ELMO1: variants seen among roughly 807,000 people sequenced by gnomAD.
The protein encoded by ELMO1 is engulfment and cell motility protein 1.
Under a neutral mutation model 98.9 loss-of-function variants are expected in ELMO1, and 26 were observed. That is an observed-to-expected ratio of 0.26 (90% CI 0.19 to 0.36). The LOEUF is 0.36. Among genes scored for constraint, ELMO1 ranks in the 10% least tolerant of loss-of-function variants. ELMO1 has a pLI of 1.00. For missense variants in ELMO1, 627 were observed against 935.2 expected, an observed-to-expected ratio of 0.67 and a Z score of 4.30; for synonymous variants, 346 against 346.0, an observed-to-expected ratio of 1.00 and a Z score of 0.00.
intron 1 of ELMO1, among the ~76,000 whole-genome samples, chr7:37,376,606 C>G (rs566436091): frequency 6.6e-6 from 1 of 152,216 alleles, no homozygotes; most frequent in South Asian, 2.1e-4. Context: ...ACTGACTCAG[C>G]GCATGAAGAC....
At chr7:37,219,974 G>A (rs886700403) in intron 10 of ELMO1, among the ~76,000 whole-genome samples, 2 of 152,092 alleles carry the variant, frequency 1.3e-5, no homozygotes, top group Admixed American at 6.5e-5. Flanking sequence ...CAATGCCAAC[G>A]TCAAATTCAG....
chr7:37,280,218 C>CA (rs1403521571), intron 4 of ELMO1, among the ~76,000 whole-genome samples: 1 of 152,202 alleles, frequency 6.6e-6, no homozygotes, highest in African/African-American at 2.4e-5. Flanking sequence ...GGATTGAGGA[C>CA]TTAAACGTAA....
At chr7:37,276,082 G>A (rs1327825709) in intron 4 of ELMO1, among the ~76,000 whole-genome samples, 1 of 152,200 alleles carries the variant, frequency 6.6e-6, no homozygotes, top group Non-Finnish European at 1.5e-5. Flanking sequence ...TTCCGAGCGG[G>A]AAAACCTGGT....
rs540941373 is a variant in ELMO1, at chr7:36,954,443, C to T, written c.1437+58856G>A. On this transcript the variant is annotated intron_variant, in intron 16 of 21. Coordinates refer to ENST00000310758, the MANE Select transcript of ELMO1 (RefSeq NM_014800.11). ...GATTCCCACCCAGGGGCACTGCTGA[C>T]AAATGAATGGTCAATGTGATGGGAG... Among the ~76,000 whole-genome samples, 34 of 152,232 alleles carry T rather than the reference C, an allele frequency of 2.2e-4. No homozygotes were observed. The South Asian group carries it at 6.8e-3, about 31-fold the overall frequency.
intron 1 of ELMO1, among the ~76,000 whole-genome samples, chr7:37,426,092 G>T (rs1191130819): frequency 1.4e-5 from 2 of 145,210 alleles, no homozygotes; most frequent in African/African-American, 5.1e-5. Context: ...AAGTTACCCA[G>T]CCTCTCTAAA....
intron 4 of ELMO1, among the ~76,000 whole-genome samples, chr7:37,312,461 T>G (rs1238423794): frequency 6.6e-6 from 1 of 152,186 alleles, no homozygotes; most frequent in African/African-American, 2.4e-5. Flanking sequence ...GGGTTCCAAC[T>G]CTTTAGAAAA....
intron 16 of ELMO1, among the ~76,000 whole-genome samples, chr7:37,008,341 G>C (rs576668147): frequency 9.9e-5 from 15 of 152,146 alleles, no homozygotes; most frequent in Non-Finnish European, 1.5e-5. Context: ...TGTTTCACAC[G>C]GGAAACTAAG....
intron 1 of ELMO1, among the ~76,000 whole-genome samples, chr7:37,388,293 T>C (rs1410683199): frequency 6.6e-6 from 1 of 152,184 alleles, no homozygotes; most frequent in African/African-American, 2.4e-5. Flanking sequence ...AGGTCTCCCC[T>C]TGAGTTAACA....
intron 15 of ELMO1, among the ~76,000 whole-genome samples, chr7:37,084,255 T>C (rs890320110): frequency 6.6e-6 from 1 of 152,150 alleles, no homozygotes; most frequent in Non-Finnish European, 1.5e-5. Flanking sequence ...AAGAATGTTG[T>C]TTGAGAGGTT....
intron 19 of ELMO1, among the ~76,000 whole-genome samples, chr7:36,874,685 T>C (rs1803798362): frequency 1.3e-5 from 2 of 152,134 alleles, no homozygotes; most frequent in African/African-American, 4.8e-5. Context: ...CCCTGCCCCC[T>C]CTGATGTGGG....
chr7:37,195,447 G>T (rs1791909324), intron 13 of ELMO1, among the ~76,000 whole-genome samples: 2 of 152,216 alleles, frequency 1.3e-5, no homozygotes, highest in South Asian at 4.1e-4. Context: ...CTATCAAAGT[G>T]CTCTACAGGT....
chr7:37,120,696 A>C (rs1169999382), intron 14 of ELMO1, among the ~76,000 whole-genome samples: 1 of 152,206 alleles, frequency 6.6e-6, no homozygotes, highest in Non-Finnish European at 1.5e-5. Flanking sequence ...TCCACCTCTG[A>C]GGGCAAGGCA....
chr7:37,170,140 G>A (rs1380197785), intron 13 of ELMO1, among the ~76,000 whole-genome samples: 1 of 152,118 alleles, frequency 6.6e-6, no homozygotes, highest in Non-Finnish European at 1.5e-5. Flanking sequence ...CCTGACCTCA[G>A]GTGATCCACT....
chr7:37,424,340 T>C (rs947781855), intron 1 of ELMO1, among the ~76,000 whole-genome samples: 6 of 152,182 alleles, frequency 3.9e-5, no homozygotes, highest in Non-Finnish European at 8.8e-5. Context: ...AAACAAATAA[T>C]GCAAAGAAAG....
intron 2 of ELMO1, among the ~76,000 whole-genome samples, chr7:37,330,477 G>T (rs1317795086): frequency 2.6e-5 from 4 of 151,784 alleles, no homozygotes; most frequent in Non-Finnish European, 5.9e-5. Context: ...ATATACAGTA[G>T]TCCCTCCTTT....
At chr7:37,163,778 A>T (rs1332147715) in intron 13 of ELMO1, among the ~76,000 whole-genome samples, 1 of 152,184 alleles carries the variant, frequency 6.6e-6, no homozygotes, top group Admixed American at 6.5e-5. Flanking sequence ...TGCTATTGTG[A>T]ATAGTGCCGC....
intron 1 of ELMO1, among the ~76,000 whole-genome samples, chr7:37,424,843 C>T (rs1381340745): frequency 3.3e-5 from 5 of 151,126 alleles, no homozygotes; most frequent in Non-Finnish European, 7.4e-5. Context: ...GTAACCCACA[C>T]CAAAACTAAT....
chr7:37,402,073 C>T (rs766871376), intron 1 of ELMO1, among the ~76,000 whole-genome samples: 8 of 152,198 alleles, frequency 5.3e-5, no homozygotes, highest in Non-Finnish European at 1.0e-4. Flanking sequence ...ACTCCTGTGG[C>T]ACGTAAAACT....
intron 16 of ELMO1, among the ~76,000 whole-genome samples, chr7:36,903,293 T>C (rs1233646489): frequency 6.6e-6 from 1 of 152,232 alleles, no homozygotes; most frequent in African/African-American, 2.4e-5. Flanking sequence ...TCATTCTTCC[T>C]GACCTGCTGC....
Sources: gnomAD v4.1 joint callset for allele counts (sites outside exome capture counted in the v4.1 genomes callset) on GRCh38, gnomAD v4.1.1 for gene constraint, MANE v1.5 for transcripts, NCBI Gene and HGNC (gene_info 2026-07-23, HGNC 2026-07-21) for gene names.